MAST2: variants seen among roughly 807,000 people sequenced by gnomAD.
The protein encoded by MAST2 is microtubule-associated serine/threonine-protein kinase 2.
In MAST2, 70 loss-of-function variants were observed where a neutral mutation model predicts 147.4. The observed-to-expected ratio is 0.47, with a 90% CI of 0.39 to 0.58. The LOEUF (loss-of-function observed/expected upper bound fraction) is 0.58, where lower values mean the gene tolerates loss of function less well. MAST2 is among the 20% of genes least tolerant of loss of function. The pLI, the probability that MAST2 is intolerant of heterozygous loss-of-function variation, is 0.00. For synonymous variants in MAST2, 869 were observed against 896.8 expected, an observed-to-expected ratio of 0.97 and a Z score of 0.55; for missense variants, 2,080 against 2,302.3, an observed-to-expected ratio of 0.90 and a Z score of 1.98.
chr1:45,981,692 G>C (rs1383159962), intron 5 of MAST2, among the ~76,000 whole-genome samples: 1 of 152,160 alleles, frequency 6.6e-6, no homozygotes, highest in African/African-American at 2.4e-5. Flanking sequence ...GCAGCTTGGA[G>C]GTTAGAAGCA....
chr1:45,932,430 C>T (rs1342783650), intron 4 of MAST2, among the ~76,000 whole-genome samples: 1 of 152,112 alleles, frequency 6.6e-6, no homozygotes, highest in Non-Finnish European at 1.5e-5. Flanking sequence ...ACCTGTAATC[C>T]CAGCACTTTG....
chr1:45,809,637 G>C (rs1644237164), intron 1 of MAST2, among the ~76,000 whole-genome samples: 1 of 152,028 alleles, frequency 6.6e-6, no homozygotes. Context: ...GTCTCGTAAA[G>C]AAAGCAAAAA....
chr1:46,023,173 C>T lies in MAST2; in HGVS notation c.1486-60C>T. On this transcript the variant is annotated intron_variant, in intron 13 of 28. Transcript: ENST00000361297. The surrounding 1 kb of genome is among the most constrained non-coding windows in gnomAD (Gnocchi z 4.9). ...TGAGAAGATGCTAGAGCCACAGCTTCTGCAAGGATATGGGCTCTGAGAAGC... is the reference window on the plus strand; with the variant it reads ...TGAGAAGATGCTAGAGCCACAGCTTTTGCAAGGATATGGGCTCTGAGAAGC... 6.8e-7 allele frequency: 1 copy of T among 1,477,942 alleles called. No individual in the cohort carries two copies. The highest frequency in any genetic ancestry group is 1.1e-5 in the South Asian group (1 of 88,366). 91.6% of individuals were successfully genotyped at this position (1,477,942 alleles called of 1,614,324 possible). A position where few individuals can be genotyped will look rare whatever the true frequency, so the allele number is the denominator to read the frequency against.
intron 5 of MAST2, among the ~76,000 whole-genome samples, chr1:45,985,081 G>A (rs953948790): frequency 6.6e-6 from 1 of 151,910 alleles, no homozygotes; most frequent in Non-Finnish European, 1.5e-5. Context: ...TTTTGAGACG[G>A]AGTTTCACTC....
intron 4 of MAST2, among the ~76,000 whole-genome samples, chr1:45,943,884 T>A (rs1354398649): frequency 1.3e-5 from 2 of 152,250 alleles, no homozygotes; most frequent in Non-Finnish European, 2.9e-5. Context: ...CACAAGCCTT[T>A]GTAATGAAGT....
chr1:45,915,338 C>G (rs1322213730), intron 4 of MAST2, among the ~76,000 whole-genome samples: 1 of 152,168 alleles, frequency 6.6e-6, no homozygotes, highest in Non-Finnish European at 1.5e-5. Context: ...TCACCTTTTC[C>G]TGTTTCAAAC....
At chr1:45,817,876 G>A (rs1644504236) in intron 1 of MAST2, among the ~76,000 whole-genome samples, 1 of 152,114 alleles carries the variant, frequency 6.6e-6, no homozygotes, top group Admixed American at 6.6e-5. Context: ...ATCAAAATAG[G>A]AACCATTACA....
chr1:45,843,038 C>T (rs2147923784), intron 3 of MAST2, among the ~76,000 whole-genome samples: 1 of 152,212 alleles, frequency 6.6e-6, no homozygotes, highest in African/African-American at 2.4e-5. Flanking sequence ...TCTGTAATGA[C>T]TAATGATGTT....
intron 4 of MAST2, among the ~76,000 whole-genome samples, chr1:45,945,153 T>G (rs1557945133): frequency 6.6e-6 from 1 of 151,754 alleles, no homozygotes; most frequent in Non-Finnish European, 1.5e-5. Flanking sequence ...ATAAACAAAA[T>G]TTAGCCAGGT....
chr1:45,818,603 C>T lies in MAST2; in HGVS notation c.178-5830C>T, dbSNP rs578246611. Among the ~76,000 whole-genome samples the T allele has an allele frequency of 3.3e-5, 5 of 152,310 alleles. No individual in the cohort carries two copies. In the East Asian group the frequency reaches 5.8e-4, roughly 18 times the overall value. ...GTAGGATGGTCGATGTTGAGTTCTT[C>T]GGCAACTTCTTGTGTAGTTCTAAGA... On this transcript the variant is annotated intron_variant, in intron 1 of 28. Transcript: ENST00000361297.
chr1:46,029,558 C>T lies in MAST2; in HGVS notation c.2311C>T (p.Leu771Phe). ...GCTCCACCAGAACCCTCTGGAGAGACTTGGCACAGGTAGGGCAGGCCCTGC... is the reference window on the plus strand; with the variant it reads ...GCTCCACCAGAACCCTCTGGAGAGATTTGGCACAGGTAGGGCAGGCCCTGC... ...KLLHQNPLER[L>F]GTGSAYEVKQ... Residue 771 changes from leucine (L) to phenylalanine (F), a missense_variant, in exon 19 of 29, where the codon CTT (leucine) becomes TTT (phenylalanine). This residue lies in a region of MAST2 where 209 missense variants were observed against 309.5 expected (regional missense o/e 0.68). Transcript: ENST00000361297. 6.2e-7 allele frequency: 1 copy of T among 1,613,950 alleles called. No homozygotes were observed. The highest frequency in any genetic ancestry group is 1.1e-5 in the South Asian group (1 of 91,068).
At position 45,803,927 on chromosome 1, in the gene MAST2, AGCC is replaced by A. The variant is rs1398375361; in HGVS notation, c.42_44del (p.Pro15del). 2.1e-5 allele frequency: 16 copies of A among 766,536 alleles called. No individual in the cohort carries two copies. The highest frequency in any genetic ancestry group is 3.0e-5 in the Non-Finnish European group (16 of 537,872). 47.5% of individuals were successfully genotyped at this position (766,536 alleles called of 1,614,324 possible). A position where few individuals can be genotyped will look rare whatever the true frequency, so the allele number is the denominator to read the frequency against. On this transcript the variant is annotated inframe_deletion, in exon 1 of 29. Coordinates refer to ENST00000361297, the MANE Select transcript of MAST2 (RefSeq NM_015112.3). ...CGGAGCCGCTGCCGCGACCGACCGC[AGCC>A]GCCGCCGCCCGACCGCCGGGAGGAT...
intron 3 of MAST2, among the ~76,000 whole-genome samples, chr1:45,880,710 A>G (rs995982709): frequency 6.6e-6 from 1 of 152,086 alleles, no homozygotes; most frequent in African/African-American, 2.4e-5. Context: ...GCTGGGCGTG[A>G]TGGCTGACAC....
At chr1:45,862,186 T>G (rs1404709862) in intron 3 of MAST2, among the ~76,000 whole-genome samples, 1 of 152,208 alleles carries the variant, frequency 6.6e-6, no homozygotes, top group African/African-American at 2.4e-5. Flanking sequence ...TTTGAGCAGG[T>G]TACACACTAC....
chr1:45,988,917 AC>A (rs1319950843), intron 5 of MAST2, among the ~76,000 whole-genome samples: 4 of 151,898 alleles, frequency 2.6e-5, no homozygotes, highest in Non-Finnish European at 5.9e-5. Context: ...TATATTTCTG[AC>A]CCCAGTCCTA....
chr1:45,880,224 C>A lies in MAST2; in HGVS notation c.469-2140C>A, dbSNP rs1239354362. On this transcript the variant is annotated intron_variant, in intron 3 of 28. Coordinates refer to ENST00000361297, the MANE Select transcript of MAST2 (RefSeq NM_015112.3). ...GATAAATTAACTGGGGTATATTATT[C>A]ATATTGCCATTGTTACCTGCAACAA... Among the ~76,000 whole-genome samples the A allele has an allele frequency of 2.0e-5, 3 of 152,130 alleles. No homozygotes were observed. The East Asian group carries it at 5.8e-4, about 29-fold the overall frequency.
At chr1:45,813,214 G>T (rs1344438837) in intron 1 of MAST2, among the ~76,000 whole-genome samples, 3 of 151,974 alleles carry the variant, frequency 2.0e-5, no homozygotes, top group Admixed American at 2.0e-4. Context: ...TACATGTTCA[G>T]TATAGATGGA....
At chr1:45,852,975 G>A (rs1434847703) in intron 3 of MAST2, among the ~76,000 whole-genome samples, 1 of 152,036 alleles carries the variant, frequency 6.6e-6, no homozygotes, top group Middle Eastern at 3.2e-3. Context: ...CTGTCACCCA[G>A]GCTGGAGTGC....
intron 3 of MAST2, among the ~76,000 whole-genome samples, chr1:45,867,639 A>T (rs1646209449): frequency 6.6e-6 from 1 of 152,190 alleles, no homozygotes. Context: ...AAAAAAAGCA[A>T]GAAATAATAA....
Sources: allele counts gnomAD v4.1 joint callset (sites outside exome capture counted in the v4.1 genomes callset), GRCh38; gene constraint gnomAD v4.1.1; regional missense constraint gnomAD v4.1.1; non-coding constraint Gnocchi (gnomAD v3.1); transcripts MANE v1.5; gene names NCBI Gene and HGNC (gene_info 2026-07-23, HGNC 2026-07-21).